MGST1: variants seen among roughly 807,000 people sequenced by gnomAD.
MGST1 encodes glutathione S-transferase 12.
Under a neutral mutation model 8.9 loss-of-function variants are expected in MGST1, and 5 were observed. The ratio of observed to expected loss-of-function variants is 0.56; its 90% CI spans 0.29 to 1.19. MGST1 has a LOEUF of 1.19. MGST1 is among the 50% of genes most tolerant of loss of function. The pLI, the probability that MGST1 is intolerant of heterozygous loss-of-function variation, is 0.08. For synonymous variants in MGST1, 54 were observed against 67.8 expected, an observed-to-expected ratio of 0.80 and a Z score of 1.00; for missense variants, 182 against 187.4, an observed-to-expected ratio of 0.97 and a Z score of 0.17.
At chr12:16,466,000 T>G (rs1941252335) in intron 4 of MGST1, among the ~76,000 whole-genome samples, 1 of 152,238 alleles carries the variant, frequency 6.6e-6, no homozygotes, top group South Asian at 2.1e-4. Flanking sequence ...TAACTCTTAT[T>G]TTTCTTATGT....
Position 16,578,261 on chromosome 12 carries a change from A to AT in MGST1, n.483-11261dup, listed in dbSNP as rs529894202. 7.2e-5 allele frequency among the ~76,000 whole-genome samples: 11 copies of AT among 152,274 alleles called. No individual in the cohort carries two copies. The South Asian group carries it at 1.0e-3, about 14-fold the overall frequency. On this transcript the variant is annotated intron_variant and non_coding_transcript_variant, in intron 4 of 4. Coordinates refer to the MGST1 transcript ENST00000538857. ...GAATGTTTAGGGGAATTCTAAGAGA[A>AT]TTTTTTCTTCCAAAGCTTGTATAAA...
intron 4 of MGST1, among the ~76,000 whole-genome samples, chr12:16,461,896 A>G (rs1383971232): frequency 1.3e-5 from 2 of 152,126 alleles, no homozygotes; most frequent in African/African-American, 4.8e-5. Flanking sequence ...TACTTGGTTT[A>G]CCAAGATGAT....
At chr12:16,432,532 G>A (rs1377821868) in intron 1 of MGST1, among the ~76,000 whole-genome samples, 1 of 151,978 alleles carries the variant, frequency 6.6e-6, no homozygotes, top group Non-Finnish European at 1.5e-5. Context: ...TAGTAGCAAT[G>A]GAACAAGCAA....
rs1267629494 is a variant in MGST1, at chr12:16,420,011, A to G, written n.779-17377A>G. ...ACCAAAGTATATAAATGCTAAAAGCAGTTTGATTCTAGTGTGAGGAAAGGG... is the reference window on the plus strand; with the variant it reads ...ACCAAAGTATATAAATGCTAAAAGCGGTTTGATTCTAGTGTGAGGAAAGGG... On this transcript the variant is annotated intron_variant and non_coding_transcript_variant, in intron 1 of 1. Coordinates refer to the MGST1 transcript ENST00000359720. 3.9e-5 allele frequency among the ~76,000 whole-genome samples: 6 copies of G among 152,314 alleles called. No individual in the cohort carries two copies. The East Asian group carries it at 1.2e-3, about 29-fold the overall frequency.
At position 16,468,171 on chromosome 12, in the gene MGST1, G is replaced by C. The variant is rs549972235; in HGVS notation, n.482+84567G>C. Among the ~76,000 whole-genome samples, 4 of 152,262 alleles carry C rather than the reference G, an allele frequency of 2.6e-5. No individual in the cohort carries two copies. In the East Asian group the frequency reaches 7.7e-4, roughly 29 times the overall value. ...TCTGCTTCCATCATTAGAGAATGCA[G>C]TTGATTGATTCAACCTCTCTAACAA... On this transcript the variant is annotated intron_variant and non_coding_transcript_variant, in intron 4 of 4. Transcript: ENST00000538857.
At chr12:16,557,526 G>A (rs562826430) in intron 4 of MGST1, among the ~76,000 whole-genome samples, 1 of 152,162 alleles carries the variant, frequency 6.6e-6, no homozygotes, top group Non-Finnish European at 1.5e-5. Context: ...TATATACCTT[G>A]TTTAAGTAAT....
At chr12:16,353,326 C>T (rs908886361) in intron 1 of MGST1, 1 of 152,304 alleles carries the variant, frequency 6.6e-6, no homozygotes, top group East Asian at 1.9e-4. Context: ...AGCCACCACA[C>T]CAGGCCTACT....
intron 4 of MGST1, among the ~76,000 whole-genome samples, chr12:16,469,331 A>T (rs1247359787): frequency 2.0e-5 from 3 of 151,978 alleles, no homozygotes; most frequent in African/African-American, 7.2e-5. Flanking sequence ...GACTACAGGC[A>T]TGTGCCACCA....
At chr12:16,360,387 G>A in intron 3 of MGST1, 1 of 984,882 alleles carries the variant, frequency 1.0e-6, no homozygotes, top group Non-Finnish European at 1.2e-6. Context: ...TTTACCGTGT[G>A]CAACAATTGT....
At position 16,363,939 on chromosome 12, in the gene MGST1, G is replaced by T. The variant is rs1940115797; in HGVS notation, c.366G>T (p.Leu122Phe). The change falls in exon 4 of 4, where the codon TTG (leucine) becomes TTT (phenylalanine). Residue 122 changes from leucine (L) to phenylalanine (F), a missense_variant. Leu to Phe is a conservative substitution (Grantham distance 22, BLOSUM62 0). Coordinates refer to ENST00000396210, the MANE Select transcript of MGST1 (RefSeq NM_020300.5). The surrounding 1 kb of genome is among the most constrained non-coding windows in gnomAD (Gnocchi z 4.6). Reference sequence around the variant, plus strand: ...GGATCTACCACACCATTGCATATTTGACACCCCTTCCCCAGCCAAATAGAG... The same window carrying T: ...GGATCTACCACACCATTGCATATTTTACACCCCTTCCCCAGCCAAATAGAG... Reference protein sequence around the residue: ...GARIYHTIAYLTPLPQPNRAL... With the variant: ...GARIYHTIAYFTPLPQPNRAL... The T allele has an allele frequency of 6.2e-7, 1 of 1,613,874 alleles. No individual in the cohort carries two copies.
chr12:16,366,901 G>T (rs1940202644), downstream of MGST1, among the ~76,000 whole-genome samples: 1 of 151,956 alleles, frequency 6.6e-6, no homozygotes, highest in South Asian at 2.1e-4. This position sits in a 1 kb window ranked among gnomAD's most constrained non-coding sequence, Gnocchi z 4.0. Context: ...TTGGGGGCAG[G>T]GTTCAGTGAC....
intron 1 of MGST1, among the ~76,000 whole-genome samples, chr12:16,414,357 C>CTT (rs375736641): frequency 4.8e-5 from 5 of 103,154 alleles, no homozygotes; most frequent in African/African-American, 1.1e-4. Flanking sequence ...TACCTGATTT[C>CTT]TTTTTTTTTT....
rs552844399 is a variant in MGST1 at position 16,469,971 on chromosome 12, G to A, written n.482+86367G>A. Among the ~76,000 whole-genome samples, 5 of 152,126 alleles carry A rather than the reference G, an allele frequency of 3.3e-5. No homozygotes were observed. The East Asian group carries it at 5.8e-4, about 18-fold the overall frequency. The stretch of plus-strand genomic sequence containing the variant: ...GCACAGAAATCATGTTTATATATAC[G>A]GCAAAAGAGTGAACTCATCCTAAGT... On this transcript the variant is annotated intron_variant and non_coding_transcript_variant, in intron 4 of 4. Transcript: ENST00000538857.
At chr12:16,487,656 CT>C (rs889417612) in intron 4 of MGST1, among the ~76,000 whole-genome samples, 3 of 151,988 alleles carry the variant, frequency 2.0e-5, no homozygotes, top group African/African-American at 7.2e-5. Context: ...GTGATAGAGA[CT>C]TTTTTTAAGA....
chr12:16,369,066 T>C (rs1465392776), downstream of MGST1, among the ~76,000 whole-genome samples: 1 of 152,134 alleles, frequency 6.6e-6, no homozygotes, highest in Non-Finnish European at 1.5e-5. This position sits in a 1 kb window ranked among gnomAD's most constrained non-coding sequence, Gnocchi z 4.8. Flanking sequence ...TCTATACCTA[T>C]ATCTTTATAG....
intron 4 of MGST1, among the ~76,000 whole-genome samples, chr12:16,583,091 C>G (rs1052251659): frequency 6.6e-6 from 1 of 150,698 alleles, no homozygotes; most frequent in Non-Finnish European, 1.5e-5. Context: ...TCATGGCATC[C>G]AAGACAGTAG....
In MGST1 at chr12:16,576,519, C is replaced by T. The variant is rs1335466133; in HGVS notation, n.483-13009C>T. Among the ~76,000 whole-genome samples the T allele has an allele frequency of 3.3e-5, 5 of 152,158 alleles. No individual in the cohort carries two copies. Among genetic ancestry groups the T allele is most frequent in the African/African-American group, 9.7e-5 (4 of 41,428 alleles). The stretch of plus-strand genomic sequence containing the variant: ...TCCTTGAGGCAGAATAAATAACACA[C>T]TTCTTTAGACATTTAAGCACTTGTT... On this transcript the variant is annotated intron_variant and non_coding_transcript_variant, in intron 4 of 4. Coordinates refer to the MGST1 transcript ENST00000538857. This position sits in a 1 kb window ranked among gnomAD's most constrained non-coding sequence, Gnocchi z 4.1.
intron 1 of MGST1, among the ~76,000 whole-genome samples, chr12:16,421,581 TCTC>T (rs1940836439): frequency 1.3e-5 from 2 of 152,302 alleles, no homozygotes; most frequent in South Asian, 4.1e-4. Flanking sequence ...TGTAGAATAA[TCTC>T]CTAATTCTTA....
intron 4 of MGST1, among the ~76,000 whole-genome samples, chr12:16,490,868 AG>A (rs146374634): frequency 0.016 from 2,473 of 152,294 alleles, 37 homozygotes; most frequent in Non-Finnish European, 0.026. Flanking sequence ...AATTTTTTAA[AG>A]ACCTTGAAAC....
Sources: gnomAD v4.1 joint callset for allele counts (sites outside exome capture counted in the v4.1 genomes callset) on GRCh38, gnomAD v4.1.1 for gene constraint, Gnocchi (gnomAD v3.1) non-coding constraint, MANE v1.5 for transcripts, NCBI Gene and HGNC (gene_info 2026-07-23, HGNC 2026-07-21) for gene names.